The following AUH variants were observed in gnomAD, a reference collection of about 807,000 sequenced individuals.
AUH encodes methylglutaconyl-CoA hydratase, mitochondrial.
In AUH, 29 loss-of-function variants were observed where a neutral mutation model predicts 42.3. The ratio of observed to expected loss-of-function variants is 0.69; its 90% CI spans 0.51 to 0.93. AUH has a LOEUF of 0.93. Ranked by LOEUF, AUH falls within the 40% of genes least tolerant of loss-of-function variation. The pLI is 0.00. For missense variants in AUH, 452 were observed against 438.1 expected (o/e 1.03, Z -0.28); for synonymous variants, 174 against 166.4 (o/e 1.05, Z -0.35).
At chr9:91,322,494 G>A (rs1829658399) in intron 4 of AUH, among the ~76,000 whole-genome samples, 1 of 152,102 alleles carries the variant, frequency 6.6e-6, no homozygotes, top group South Asian at 2.1e-4. Flanking sequence ...AGAATAGACA[G>A]CTAAGCCAAA....
At chr9:91,337,006 A>C (rs982844225) in intron 3 of AUH, among the ~76,000 whole-genome samples, 2 of 152,212 alleles carry the variant, frequency 1.3e-5, no homozygotes, top group African/African-American at 4.8e-5. Context: ...CTTTGTATAC[A>C]CAAGGGCCTT....
intron 6 of AUH, among the ~76,000 whole-genome samples, chr9:91,274,795 A>G (rs984844969): frequency 6.6e-6 from 1 of 152,208 alleles, no homozygotes; most frequent in Non-Finnish European, 1.5e-5. Flanking sequence ...CCAGATCCAT[A>G]AACCTGGCTA....
chr9:91,304,321 T>C (rs866783893), intron 4 of AUH, among the ~76,000 whole-genome samples: 9 of 152,170 alleles, frequency 5.9e-5, no homozygotes, highest in Middle Eastern at 6.8e-3. Context: ...ACTTTTTTAC[T>C]AGGAAAAAAA....
chr9:91,249,449 T>C lies in AUH; in HGVS notation c.656-28457A>G, dbSNP rs552830768. Among the ~76,000 whole-genome samples, 15 of 152,108 alleles carry C rather than the reference T, an allele frequency of 9.9e-5. 1 individual carries two copies. In the South Asian group the frequency reaches 2.5e-3, roughly 25 times the overall value. On this transcript the variant is annotated intron_variant, in intron 6 of 9. Coordinates refer to ENST00000375731, the MANE Select transcript of AUH (RefSeq NM_001698.3). ...CACACATCATCTTATAAAGCCCTCTTTTCCTGTAACCTCACCCTTGTGGCT... is the reference window on the plus strand; with the variant it reads ...CACACATCATCTTATAAAGCCCTCTCTTCCTGTAACCTCACCCTTGTGGCT...
chr9:91,258,549 A>C (rs1347375550), intron 6 of AUH, among the ~76,000 whole-genome samples: 1 of 152,080 alleles, frequency 6.6e-6, no homozygotes, highest in African/African-American at 2.4e-5. Context: ...TATGTCTTTT[A>C]TTTCTTTTGC....
intron 6 of AUH, among the ~76,000 whole-genome samples, chr9:91,241,352 CT>C (rs1423897880): frequency 6.6e-6 from 1 of 152,076 alleles, no homozygotes; most frequent in African/African-American, 2.4e-5. Flanking sequence ...ATGTGTTGCA[CT>C]TTTTCATTCT....
chr9:91,328,810 T>C (rs1830130819), intron 3 of AUH, among the ~76,000 whole-genome samples: 1 of 152,238 alleles, frequency 6.6e-6, no homozygotes, highest in African/African-American at 2.4e-5. Context: ...TCAGCCACTT[T>C]AAGTATAGAA....
intron 3 of AUH, among the ~76,000 whole-genome samples, chr9:91,351,614 T>C (rs940825984): frequency 7.9e-5 from 12 of 152,180 alleles, no homozygotes; most frequent in African/African-American, 2.9e-4. Context: ...TGTGGCCTGT[T>C]AGGAACCGGT....
intron 3 of AUH, among the ~76,000 whole-genome samples, chr9:91,349,725 GGAGA>G (rs926338693): frequency 7.9e-5 from 12 of 151,592 alleles, no homozygotes; most frequent in African/African-American, 2.4e-4. Context: ...AGAGGGAGAG[GGAGA>G]GAGAGAGAAG....
chr9:91,313,171 T>G (rs894026318), intron 4 of AUH, among the ~76,000 whole-genome samples: 27 of 152,218 alleles, frequency 1.8e-4, no homozygotes, highest in Non-Finnish European at 3.7e-4. Flanking sequence ...CGGTCTGTTT[T>G]GGAATCCGTC....
Position 91,356,105 on chromosome 9 carries a change from T to C in AUH, c.313A>G (p.Lys105Glu). ...ACACTCACCATTTTTATAAGATTTT[T>C]ACTGAGTGAATTTTTGCCATAAGCT... is the stretch of plus-strand genomic sequence containing the variant. The part of the protein sequence containing the change: ...NRAYGKNSLS[K>E]NLIKMLSKAV... Residue 105 changes from lysine to glutamate, a missense_variant, in exon 2 of 10, where the codon AAA (lysine) becomes GAA (glutamate). Transcript: ENST00000375731. 1 of 1,613,662 alleles carries C rather than the reference T, an allele frequency of 6.2e-7. No individual in the cohort carries two copies. The highest frequency in any genetic ancestry group is 8.5e-7 in the Non-Finnish European group (1 of 1,179,718).
intron 6 of AUH, among the ~76,000 whole-genome samples, chr9:91,230,453 T>G (rs1434728941): frequency 6.6e-6 from 1 of 151,406 alleles, no homozygotes; most frequent in Non-Finnish European, 1.5e-5. Context: ...TTATACATTC[T>G]TCTAAATTTT....
chr9:91,315,202 G>A (rs373756799), intron 4 of AUH, among the ~76,000 whole-genome samples: 4 of 152,216 alleles, frequency 2.6e-5, no homozygotes, highest in African/African-American at 9.6e-5. Flanking sequence ...GCCTCGAAAA[G>A]TGGTGGGATT....
chr9:91,275,299 G>A lies in AUH; in HGVS notation c.655+20722C>T, dbSNP rs1047831737. Among the ~76,000 whole-genome samples, 8 of 152,288 alleles carry A rather than the reference G, an allele frequency of 5.3e-5. No individual in the cohort carries two copies. In the East Asian group the frequency reaches 1.4e-3, roughly 26 times the overall value. On this transcript the variant is annotated intron_variant, in intron 6 of 9. Coordinates refer to ENST00000375731, the MANE Select transcript of AUH (RefSeq NM_001698.3). ...CAAATCACCACGGAGCAACAGGTGAGGTTAGTGGTTTTGTAACAGCCCATA... is the reference window on the plus strand; with the variant it reads ...CAAATCACCACGGAGCAACAGGTGAAGTTAGTGGTTTTGTAACAGCCCATA...
At chr9:91,291,923 A>T (rs1189259696) in intron 6 of AUH, among the ~76,000 whole-genome samples, 1 of 5,354 alleles carries the variant, frequency 1.9e-4, no homozygotes. Flanking sequence ...ACTCCGTGTC[A>T]AAAAAAAAAA....
chr9:91,218,136 A>G (rs1399005001), intron 7 of AUH, among the ~76,000 whole-genome samples: 2 of 152,250 alleles, frequency 1.3e-5, no homozygotes, highest in Non-Finnish European at 2.9e-5. Context: ...AACAACAGGC[A>G]CAGCAAAGGA....
At chr9:91,302,059 G>A (rs1000482596) in intron 4 of AUH, among the ~76,000 whole-genome samples, 1 of 152,010 alleles carries the variant, frequency 6.6e-6, no homozygotes, top group Non-Finnish European at 1.5e-5. Context: ...CCTAAAAGAT[G>A]TCTGTCGTAG....
chr9:91,252,915 T>C (rs1829215032), intron 6 of AUH, among the ~76,000 whole-genome samples: 1 of 152,242 alleles, frequency 6.6e-6, no homozygotes, highest in African/African-American at 2.4e-5. Context: ...AACTTTTTGC[T>C]TCTGTAGTAG....
At position 91,290,291 on chromosome 9, in the gene AUH, C is replaced by T. The variant is rs140013741; in HGVS notation, c.655+5730G>A. The stretch of plus-strand genomic sequence containing the variant: ...AATTAGCCGAGTGCAGTGCTGTGTG[C>T]CTATAGTCCCAGCTACTCCAGAGGC... On this transcript the variant is annotated intron_variant, in intron 6 of 9. Coordinates refer to ENST00000375731, the MANE Select transcript of AUH (RefSeq NM_001698.3). Among the ~76,000 whole-genome samples the T allele has an allele frequency of 2.0e-5, 3 of 152,194 alleles. No individual in the cohort carries two copies. The East Asian group carries it at 5.8e-4, about 29-fold the overall frequency.
Sources: allele counts gnomAD v4.1 joint callset (sites outside exome capture counted in the v4.1 genomes callset), GRCh38; gene constraint gnomAD v4.1.1; transcripts MANE v1.5; gene names NCBI Gene and HGNC (gene_info 2026-07-23, HGNC 2026-07-21).